Variants in HIP1R observed in about 807,000 individuals in gnomAD.
HIP1R encodes the protein huntingtin interacting protein 1 related, also known as huntingtin-interacting protein 1-related protein.
HIP1R carries 135 observed loss-of-function variants against 144.2 expected under a neutral mutation model. The observed-to-expected ratio is 0.94, with a 90% CI of 0.81 to 1.08. HIP1R has a LOEUF of 1.08. HIP1R is among the 50% of genes least tolerant of loss of function. The pLI, the probability that HIP1R is intolerant of heterozygous loss-of-function variation, is 0.00. For synonymous variants in HIP1R, 698 were observed against 612.8 expected (o/e 1.14, Z -2.05); for missense variants, 1,462 against 1,432.8 (o/e 1.02, Z -0.33).
intron 7 of HIP1R, 118 bp downstream of exon 7, chr12:122,851,415 T>C: frequency 1.2e-6 from 1 of 809,652 alleles, no homozygotes; most frequent in Non-Finnish European, 1.8e-6. Context: ...GAAATGACCC[T>C]GGCCAGCCGC....
In HIP1R at chr12:122,861,744, G is replaced by T; in HGVS notation, c.3198G>T (p.Val1066=). 1 of 1,614,058 alleles carries T rather than the reference G, an allele frequency of 6.2e-7. No individual in the cohort carries two copies. Among genetic ancestry groups the T allele is most frequent in the Non-Finnish European group, 8.5e-7 (1 of 1,179,992 alleles). The change falls in exon 32 of 32, where the codon GTG becomes GTT. Residue 1066 remains valine (V), a synonymous_variant. Coordinates refer to ENST00000253083, the MANE Select transcript of HIP1R (RefSeq NM_003959.3). ...KKDGIYPAQL[V]NY ...ATGGCATCTACCCAGCTCAACTCGTGAACTACTAGGCCCCCCAGGGGTCCA... is the reference window on the plus strand; with the variant it reads ...ATGGCATCTACCCAGCTCAACTCGTTAACTACTAGGCCCCCCAGGGGTCCA...
Position 122,840,328 on chromosome 12 carries a change from G to A in HIP1R, c.93+4685G>A. Among the ~76,000 whole-genome samples, 1 of 152,212 alleles carries A rather than the reference G, an allele frequency of 6.6e-6. No individual in the cohort carries two copies. The highest frequency in any genetic ancestry group is 1.5e-5 in the Non-Finnish European group (1 of 68,032). Reference sequence around the variant, plus strand: ...GCCTGTTCCTGTAGCTTTGGGGTGTGCCCCAGGAAGGTCCGAGTCATCTTT... The same window carrying A: ...GCCTGTTCCTGTAGCTTTGGGGTGTACCCCAGGAAGGTCCGAGTCATCTTT... On this transcript the variant is annotated intron_variant, in intron 1 of 31. Coordinates refer to ENST00000253083, the MANE Select transcript of HIP1R (RefSeq NM_003959.3). This position sits in a 1 kb window ranked among gnomAD's most constrained non-coding sequence, Gnocchi z 4.2.
intron 1 of HIP1R, among the ~76,000 whole-genome samples, chr12:122,841,926 G>A (rs771989303): frequency 6.6e-5 from 10 of 152,190 alleles, no homozygotes; most frequent in Non-Finnish European, 1.3e-4. Flanking sequence ...CTGAAATGAC[G>A]GAGTGGCCAG....
At chr12:122,853,704 A>T (rs2033468054) in intron 7 of HIP1R, 1 of 232,916 alleles carries the variant, frequency 4.3e-6, no homozygotes, top group East Asian at 9.9e-5. Flanking sequence ...CTGCTCTAAC[A>T]TTCAGCGTGG....
Position 122,835,593 on chromosome 12 carries a change from A to G in HIP1R, c.43A>G (p.Arg15Gly), listed in dbSNP as rs2032860342. 1.5e-6 allele frequency: 2 copies of G among 1,314,998 alleles called. No homozygotes were observed. The highest frequency in any genetic ancestry group is 2.9e-5 in the Admixed American group (1 of 35,020). 81.5% of individuals were successfully genotyped at this position (1,314,998 alleles called of 1,614,324 possible). A position where few individuals can be genotyped will look rare whatever the true frequency, so the allele number is the denominator to read the frequency against. The change falls in exon 1 of 32, where the codon AGG becomes GGG. Residue 15 changes from arginine (R) to glycine (G), a missense_variant. Physicochemically the swap from Arg to Gly is moderately radical, Grantham distance 125. Coordinates refer to ENST00000253083, the MANE Select transcript of HIP1R (RefSeq NM_003959.3). The stretch of plus-strand genomic sequence containing the variant: ...CGTGCCGGCGCGGGTGCTGAGCCGC[A>G]GGCCGGGCCACAGCCTGGAGGCCGA... ...KNVPARVLSR[R>G]PGHSLEAERE...
At chr12:122,842,581 G>A (rs1231892118) in intron 1 of HIP1R, among the ~76,000 whole-genome samples, 1 of 152,214 alleles carries the variant, frequency 6.6e-6, no homozygotes, top group East Asian at 1.9e-4. Context: ...AGTATGATCG[G>A]TGGACAGACA....
Position 122,836,033 on chromosome 12 carries a change from G to A in HIP1R, c.93+390G>A, listed in dbSNP as rs2032885263. Reference sequence around the variant, plus strand: ...GCCCAGCGCGCCGGGGGTCGAGGGGGCTGGGGATCCAGGTGCTCCCGGGGC... The same window carrying A: ...GCCCAGCGCGCCGGGGGTCGAGGGGACTGGGGATCCAGGTGCTCCCGGGGC... On this transcript the variant is annotated intron_variant, in intron 1 of 31. Coordinates refer to ENST00000253083, the MANE Select transcript of HIP1R (RefSeq NM_003959.3). The surrounding 1 kb of genome is among the most constrained non-coding windows in gnomAD (Gnocchi z 4.1). 6.6e-6 allele frequency among the ~76,000 whole-genome samples: 1 copy of A among 151,858 alleles called. No homozygotes were observed. The highest frequency in any genetic ancestry group is 2.4e-5 in the African/African-American group (1 of 41,442).
chr12:122,850,813 T>C (rs1224135976), intron 5 of HIP1R, 22 bp from the exon 6 acceptor site: 2 of 1,593,718 alleles, frequency 1.3e-6, no homozygotes, highest in Non-Finnish European at 1.7e-6. Context: ...CAGTGGCCGC[T>C]GGGTGGGGGT....
chr12:122,859,023 GT>G (rs201252531), intron 21 of HIP1R, 37 bp from the exon 22 acceptor site: 112 of 1,503,028 alleles, frequency 7.5e-5, no homozygotes, highest in Non-Finnish European at 8.4e-5. Context: ...GAGCCTGTCG[GT>G]GGGGGGGGCT....
chr12:122,858,231 C>G lies in HIP1R; in HGVS notation c.1945C>G (p.Arg649Gly), dbSNP rs937548167. The G allele has an allele frequency of 1.1e-5, 18 of 1,598,854 alleles. No individual in the cohort carries two copies. The highest frequency in any genetic ancestry group is 1.5e-5 in the Non-Finnish European group (17 of 1,170,532). Residue 649 changes from arginine (R) to glycine (G), a missense_variant, in exon 19 of 32, where the codon CGC becomes GGC. Arg to Gly is a moderately radical substitution (Grantham distance 125, BLOSUM62 -2). Coordinates refer to ENST00000253083, the MANE Select transcript of HIP1R (RefSeq NM_003959.3). ...VSKLDDPLHL[R>G]CTSSPDYLVS... ...CAAGCTGGACGACCCCCTGCACCTG[C>G]GCTGTACCAGCTCCCCAGGTAGACA...
intron 7 of HIP1R, among the ~76,000 whole-genome samples, chr12:122,852,025 C>T (rs893669267): frequency 3.3e-5 from 5 of 152,222 alleles, no homozygotes; most frequent in East Asian, 3.8e-4. Context: ...GGAACCCGGC[C>T]GCTGTTGGAC....
chr12:122,856,067 C>A lies in HIP1R; in HGVS notation c.1216C>A (p.Leu406Met). Residue 406 changes from leucine to methionine, a missense_variant, in exon 14 of 32, where the codon CTG becomes ATG. This residue lies in a region of HIP1R where 1,112 missense variants were observed against 1,011.7 expected (regional missense o/e 1.10). Transcript: ENST00000253083. The stretch of plus-strand genomic sequence containing the variant: ...GCAGCGGAAGCAGAAGCAGAAGGCC[C>A]TGGTGGATAATGAGCAGCTCCGCCA... ...EEQRKQKQKA[L>M]VDNEQLRHEL... 6.3e-7 allele frequency: 1 copy of A among 1,591,292 alleles called. No homozygotes were observed. Among genetic ancestry groups the A allele is most frequent in the East Asian group, 2.3e-5 (1 of 43,822 alleles).
At chr12:122,858,293 C>T (rs373747659) in intron 19 of HIP1R, 44 bp downstream of exon 19, 1 of 1,580,130 alleles carries the variant, frequency 6.3e-7, no homozygotes, top group African/African-American at 1.3e-5. Flanking sequence ...GCCTCCTTCC[C>T]ATCCCCAGCC....
At chr12:122,850,967 C>A (rs1358702460) in intron 6 of HIP1R, 56 bp downstream of exon 6, 2 of 1,512,984 alleles carry the variant, frequency 1.3e-6, no homozygotes, top group Non-Finnish European at 1.8e-6. Context: ...CCATTCCTTC[C>A]TACCGCGTCT....
At chr12:122,847,948 AGTATTGT>A in intron 1 of HIP1R, 76 bp from the exon 2 acceptor site, 1 of 1,284,920 alleles carries the variant, frequency 7.8e-7, no homozygotes, top group Non-Finnish European at 1.1e-6. Flanking sequence ...AATCCTGTTC[AGTATTGT>A]GCTTCTCCCC....
In HIP1R at chr12:122,848,241, C is replaced by G; in HGVS notation, c.157+147C>G. ...AGGGTCCTGTGCAGCTTGGCTCCTTCCCATCTCAGTCTCATCACAAAAACG... is the reference window on the plus strand; with the variant it reads ...AGGGTCCTGTGCAGCTTGGCTCCTTGCCATCTCAGTCTCATCACAAAAACG... On this transcript the variant is annotated intron_variant, in intron 2 of 31. Transcript: ENST00000253083. 1.9e-5 allele frequency: 18 copies of G among 965,402 alleles called. No individual in the cohort carries two copies. The South Asian group carries it at 2.7e-4, about 14-fold the overall frequency. 59.8% of individuals were successfully genotyped at this position (965,402 alleles called of 1,614,324 possible). A position where few individuals can be genotyped will look rare whatever the true frequency, so the allele number is the denominator to read the frequency against.
chr12:122,860,622 G>A (rs1343728428), intron 27 of HIP1R, 57 bp from the exon 28 acceptor site: 12 of 1,566,644 alleles, frequency 7.7e-6, no homozygotes, highest in Non-Finnish European at 8.8e-6. Flanking sequence ...GGTGTGGAGT[G>A]GTGCCAGCCG....
At chr12:122,856,411 G>A in intron 15 of HIP1R, 21 bp from the exon 16 acceptor site, 2 of 1,604,026 alleles carry the variant, frequency 1.2e-6, no homozygotes, top group South Asian at 1.1e-5. Flanking sequence ...CAGAGCATGA[G>A]CCCTTCCCCT....
chr12:122,858,528 C>T, intron 20 of HIP1R, 93 bp downstream of exon 20: 3 of 1,049,850 alleles, frequency 2.9e-6, no homozygotes, highest in Non-Finnish European at 4.1e-6. Context: ...TTACAGACAG[C>T]AGGGACCTCT....
Sources: gnomAD v4.1 joint callset for allele counts (sites outside exome capture counted in the v4.1 genomes callset) on GRCh38, gnomAD v4.1.1 for gene constraint, gnomAD v4.1.1 regional missense constraint, Gnocchi (gnomAD v3.1) non-coding constraint, MANE v1.5 for transcripts, NCBI Gene and HGNC (gene_info 2026-07-23, HGNC 2026-07-21) for gene names.